Variants in CNTN3 observed in about 807,000 individuals in gnomAD.
CNTN3 encodes the protein contactin 3.
Under a neutral mutation model 119.1 loss-of-function variants are expected in CNTN3, and 60 were observed. The ratio of observed to expected loss-of-function variants is 0.50; its 90% CI spans 0.41 to 0.62. The LOEUF is 0.62. Ranked by LOEUF, CNTN3 falls within the 20% of genes least tolerant of loss-of-function variation. The probability of loss-of-function intolerance (pLI) is 0.00; values close to 1 mark genes in which losing one functional copy is unlikely to be tolerated. For synonymous variants in CNTN3, 450 were observed against 438.7 expected (o/e 1.03, Z -0.32); for missense variants, 1,101 against 1,242.4 (o/e 0.89, Z 1.71).
At chr3:74,561,029 G>A (rs1704145100) in intron 1 of CNTN3, among the ~76,000 whole-genome samples, 3 of 107,570 alleles carry the variant, frequency 2.8e-5, no homozygotes, top group South Asian at 4.4e-4. Context: ...CCTGTTGTGG[G>A]ATGGGGGGAG....
intron 4 of CNTN3, among the ~76,000 whole-genome samples, chr3:74,468,536 T>A (rs1427761506): frequency 2.6e-5 from 4 of 152,196 alleles, no homozygotes; most frequent in African/African-American, 9.6e-5. Context: ...GATGACCCCA[T>A]TCTAATACCA....
intron 5 of CNTN3, among the ~76,000 whole-genome samples, chr3:74,386,308 T>C (rs1704742795): frequency 6.6e-6 from 1 of 152,174 alleles, no homozygotes; most frequent in African/African-American, 2.4e-5. Context: ...TAAAAGAATG[T>C]CTAGGGTAGT....
intron 4 of CNTN3, among the ~76,000 whole-genome samples, chr3:74,448,858 AC>A (rs1702095528): frequency 6.6e-6 from 1 of 152,136 alleles, no homozygotes; most frequent in Admixed American, 6.6e-5. Flanking sequence ...ATCACTATAT[AC>A]CACACATTCA....
chr3:74,570,680 CTT>C (rs1159793674), intron 1 of CNTN3, among the ~76,000 whole-genome samples: 1 of 152,068 alleles, frequency 6.6e-6, no homozygotes, highest in African/African-American at 2.4e-5. Flanking sequence ...CATATTAACT[CTT>C]TGGCTCTTTA....
chr3:74,305,667 C>G (rs1404941727), intron 13 of CNTN3, among the ~76,000 whole-genome samples: 1 of 151,022 alleles, frequency 6.6e-6, no homozygotes, highest in Non-Finnish European at 1.5e-5. Context: ...CATGACCGAT[C>G]ATATGAGAAG....
chr3:74,586,565 C>T lies in CNTN3; in HGVS notation c.-81+27826G>A, dbSNP rs76053013. Among the ~76,000 whole-genome samples, 33 of 152,176 alleles carry T rather than the reference C, an allele frequency of 2.2e-4. No individual in the cohort carries two copies. In the East Asian group the frequency reaches 6.0e-3, roughly 28 times the overall value. ...GTTCAAATCCCTGCTACAGAACTGT[C>T]TAGCTTTGAGACATTGGTTTTTAGT... On this transcript the variant is annotated intron_variant, in intron 1 of 22. Transcript: ENST00000263665.
chr3:74,291,487 C>T (rs1378837896), intron 19 of CNTN3, among the ~76,000 whole-genome samples: 1 of 152,126 alleles, frequency 6.6e-6, no homozygotes, highest in Non-Finnish European at 1.5e-5. Flanking sequence ...CTGTCTTCCA[C>T]AATGGTTGAA....
intron 13 of CNTN3, among the ~76,000 whole-genome samples, chr3:74,304,049 T>C (rs1702512066): frequency 6.6e-6 from 1 of 152,222 alleles, no homozygotes. Context: ...AGATGAATTC[T>C]ACTATCCTAT....
chr3:74,612,586 A>G (rs1188660754), intron 1 of CNTN3, among the ~76,000 whole-genome samples: 1 of 152,178 alleles, frequency 6.6e-6, no homozygotes, highest in Non-Finnish European at 1.5e-5. Flanking sequence ...CTGCATATCA[A>G]TTAGACACTC....
At chr3:74,460,104 T>C (rs1702338350) in intron 4 of CNTN3, among the ~76,000 whole-genome samples, 1 of 152,028 alleles carries the variant, frequency 6.6e-6, no homozygotes, top group Admixed American at 6.6e-5. Flanking sequence ...ATTCTCTATT[T>C]TGTTCCTTGA....
intron 19 of CNTN3, among the ~76,000 whole-genome samples, chr3:74,285,824 T>G (rs1347302176): frequency 1.7e-5 from 2 of 120,338 alleles, no homozygotes; most frequent in African/African-American, 7.6e-5. Flanking sequence ...TATATATATA[T>G]ATATATATAT....
At chr3:74,412,368 T>C (rs923556723) in intron 5 of CNTN3, among the ~76,000 whole-genome samples, 1 of 152,174 alleles carries the variant, frequency 6.6e-6, no homozygotes, top group Non-Finnish European at 1.5e-5. Context: ...AAAAAGTATG[T>C]AAAACAAATT....
chr3:74,349,784 T>C (rs1034750634), intron 11 of CNTN3, among the ~76,000 whole-genome samples: 1 of 152,228 alleles, frequency 6.6e-6, no homozygotes, highest in Non-Finnish European at 1.5e-5. Context: ...GTTAAATGCA[T>C]GTGGGATTTT....
intron 5 of CNTN3, among the ~76,000 whole-genome samples, chr3:74,381,123 C>T (rs145691425): frequency 4.8e-4 from 73 of 150,838 alleles, no homozygotes; most frequent in Admixed American, 1.5e-3. Flanking sequence ...CACACACGCA[C>T]GCACAGTACT....
chr3:74,267,992 G>A (rs1434372551), intron 20 of CNTN3, among the ~76,000 whole-genome samples: 1 of 152,116 alleles, frequency 6.6e-6, no homozygotes, highest in Admixed American at 6.6e-5. Context: ...TTCCCATGGA[G>A]TAATAGCTAT....
rs770931529 is a variant in CNTN3, at chr3:74,369,917, C to G, written c.733G>C (p.Val245Leu). Residue 245 changes from valine (V) to leucine (L), a missense_variant, in exon 7 of 23, where the codon GTG (valine) becomes CTG (leucine). By Grantham distance (32) the Val-to-Leu change is conservative. Transcript: ENST00000263665. ...ETLPAAKGST[V>L]KLECFALGNP... ...CCAAGGGCAAAACATTCCAATTTCA[C>G]AGTCGAACCTTTAGCTGCTGGAAGA... is the stretch of plus-strand genomic sequence containing the variant. The G allele has an allele frequency of 6.2e-7, 1 of 1,606,878 alleles. No homozygotes were observed. Among genetic ancestry groups the G allele is most frequent in the Non-Finnish European group, 8.5e-7 (1 of 1,175,406 alleles).
intron 1 of CNTN3, among the ~76,000 whole-genome samples, chr3:74,562,276 T>C (rs957118696): frequency 1.3e-5 from 2 of 152,208 alleles, no homozygotes; most frequent in Non-Finnish European, 2.9e-5. Context: ...AAGTCAGAAT[T>C]AGGACCTGCT....
At chr3:74,503,977 A>C (rs192723785) in intron 2 of CNTN3, among the ~76,000 whole-genome samples, 59 of 152,254 alleles carry the variant, frequency 3.9e-4, no homozygotes, top group Non-Finnish European at 8.1e-4. Context: ...TGAGCTCCTA[A>C]GGTAATGTCA....
At chr3:74,338,847 A>G (rs1433188125) in intron 11 of CNTN3, among the ~76,000 whole-genome samples, 1 of 152,122 alleles carries the variant, frequency 6.6e-6, no homozygotes. Flanking sequence ...AACTACAGAG[A>G]AAGGTCAAAA....
Sources: gnomAD v4.1 joint callset for allele counts (sites outside exome capture counted in the v4.1 genomes callset) on GRCh38, gnomAD v4.1.1 for gene constraint, MANE v1.5 for transcripts, NCBI Gene and HGNC (gene_info 2026-07-23, HGNC 2026-07-21) for gene names.